PRKN: variants seen among roughly 807,000 people sequenced by gnomAD.
PRKN encodes parkin RBR E3 ubiquitin protein ligase, also known as E3 ubiquitin-protein ligase parkin.
A neutral mutation model predicts 59.5 loss-of-function variants in PRKN; 56 were observed. The ratio of observed to expected loss-of-function variants is 0.94; its 90% confidence interval spans 0.76 to 1.18. The LOEUF (loss-of-function observed/expected upper bound fraction) is 1.18, where lower values mean the gene tolerates loss of function less well. PRKN is among the 50% of genes most tolerant of loss of function. The pLI, the probability that PRKN is intolerant of heterozygous loss-of-function variation, is 0.00. For synonymous variants in PRKN, 250 were observed against 222.1 expected (o/e 1.13, Z -1.12); for missense variants, 657 against 596.4 (o/e 1.10, Z -1.06).
chr6:161,644,480 C>G (rs918760540), intron 7 of PRKN, among the ~76,000 whole-genome samples: 1 of 152,178 alleles, frequency 6.6e-6, no homozygotes, highest in Non-Finnish European at 1.5e-5. Context: ...GTGGTAGACA[C>G]GTGGATTTCG....
intron 1 of PRKN, among the ~76,000 whole-genome samples, chr6:162,633,246 C>A (rs913840895): frequency 6.6e-6 from 1 of 151,436 alleles, no homozygotes; most frequent in Middle Eastern, 3.4e-3. Context: ...CCAGCCTGGC[C>A]GACGTGGTGA....
chr6:161,756,366 T>C (rs1472403605), intron 7 of PRKN, among the ~76,000 whole-genome samples: 1 of 133,060 alleles, frequency 7.5e-6, no homozygotes, highest in African/African-American at 2.8e-5. Context: ...CGCTTGAACC[T>C]GGGAGGTGGA....
intron 3 of PRKN, among the ~76,000 whole-genome samples, chr6:162,261,807 G>A (rs781414523): frequency 6.6e-6 from 1 of 152,134 alleles, no homozygotes; most frequent in African/African-American, 2.4e-5. Flanking sequence ...CAAGATCATC[G>A]AAAATTTTTA....
At position 161,547,196 on chromosome 6, in the gene PRKN, T is replaced by C. The variant is rs1436549104; in HGVS notation, c.1083+1658A>G. On this transcript the variant is annotated intron_variant, in intron 9 of 11. Coordinates refer to ENST00000366898, the MANE Select transcript of PRKN (RefSeq NM_004562.3). This position sits in a 1 kb window ranked among gnomAD's most constrained non-coding sequence, Gnocchi z 4.0. ...CAAACACACCTCCAAAACCAACAAATCGAAACAAATTAAGATAAATTAAGA... is the reference window on the plus strand; with the variant it reads ...CAAACACACCTCCAAAACCAACAAACCGAAACAAATTAAGATAAATTAAGA... Among the ~76,000 whole-genome samples, 1 of 152,078 alleles carries C rather than the reference T, an allele frequency of 6.6e-6. No homozygotes were observed. The highest frequency in any genetic ancestry group is 1.5e-5 in the Non-Finnish European group (1 of 68,008).
intron 2 of PRKN, among the ~76,000 whole-genome samples, chr6:162,331,251 A>C (rs2128124851): frequency 6.6e-6 from 1 of 152,186 alleles, no homozygotes; most frequent in East Asian, 1.9e-4. Flanking sequence ...ATCGCTCCCA[A>C]CCAGGCCCCT....
intron 9 of PRKN, among the ~76,000 whole-genome samples, chr6:161,469,461 C>T (rs768599928): frequency 3.4e-5 from 5 of 148,438 alleles, no homozygotes; most frequent in South Asian, 2.1e-4. Context: ...TACATCGCAA[C>T]GGGAGTTTGC....
intron 4 of PRKN, among the ~76,000 whole-genome samples, chr6:162,070,674 C>G (rs763844034): frequency 6.6e-6 from 1 of 152,186 alleles, no homozygotes; most frequent in Non-Finnish European, 1.5e-5. Context: ...CAGGATAAAA[C>G]TGTTCCACCT....
intron 6 of PRKN, among the ~76,000 whole-genome samples, chr6:161,870,906 T>C (rs1794315475): frequency 6.6e-6 from 1 of 152,044 alleles, no homozygotes; most frequent in African/African-American, 2.4e-5. Context: ...AATAGTTCTT[T>C]TGCCTAAATG....
At chr6:162,156,581 C>A (rs2849587) in intron 4 of PRKN, among the ~76,000 whole-genome samples, 146,875 of 152,212 alleles carry the variant, frequency 0.96, 71,012 homozygotes, top group Non-Finnish European at 1. Context: ...AAGACTCAGC[C>A]AGCCTGCTCT....
chr6:162,503,761 T>C (rs372052130), intron 1 of PRKN, among the ~76,000 whole-genome samples: 10 of 152,210 alleles, frequency 6.6e-5, no homozygotes, highest in African/African-American at 2.2e-4. Context: ...ACTCGGAGGA[T>C]CCGAACAGCT....
intron 2 of PRKN, among the ~76,000 whole-genome samples, chr6:162,439,418 T>A (rs997921128): frequency 6.6e-6 from 1 of 151,758 alleles, no homozygotes; most frequent in Non-Finnish European, 1.5e-5. Flanking sequence ...TTTGTCTATA[T>A]ATGTTGACAT....
Position 161,393,371 on chromosome 6 carries a change from A to C in PRKN, c.1084-6494T>G, listed in dbSNP as rs1476902259. Among the ~76,000 whole-genome samples the C allele has an allele frequency of 6.6e-6, 1 of 152,150 alleles. No individual in the cohort carries two copies. The highest frequency in any genetic ancestry group is 1.5e-5 in the Non-Finnish European group (1 of 68,034). ...GAAATGCCACACTTGTAAACTACTC[A>C]TAAGACATAAGACTGCTGTCTAGAA... On this transcript the variant is annotated intron_variant, in intron 9 of 11. Transcript: ENST00000366898. This position sits in a 1 kb window ranked among gnomAD's most constrained non-coding sequence, Gnocchi z 4.7.
intron 9 of PRKN, among the ~76,000 whole-genome samples, chr6:161,521,033 G>T (rs1016502179): frequency 3.3e-5 from 5 of 152,178 alleles, no homozygotes; most frequent in Non-Finnish European, 7.3e-5. Flanking sequence ...CTCTTCTCCC[G>T]TATGTGAAGA....
intron 2 of PRKN, among the ~76,000 whole-genome samples, chr6:162,379,683 G>C (rs1214714683): frequency 6.6e-6 from 1 of 152,154 alleles, no homozygotes; most frequent in Non-Finnish European, 1.5e-5. Context: ...TGTGGACAGA[G>C]CTAGGCAGGT....
intron 2 of PRKN, among the ~76,000 whole-genome samples, chr6:162,312,534 T>C (rs140319481): frequency 4.8e-4 from 73 of 152,290 alleles, no homozygotes; most frequent in African/African-American, 1.6e-3. Context: ...ATACAACACC[T>C]GTGTCTGCCA....
At chr6:162,462,769 A>T (rs1348087116) in intron 1 of PRKN, among the ~76,000 whole-genome samples, 2 of 152,174 alleles carry the variant, frequency 1.3e-5, no homozygotes, top group East Asian at 3.8e-4. Flanking sequence ...TTAGGAGTTG[A>T]ATGAAAACCT....
intron 3 of PRKN, among the ~76,000 whole-genome samples, chr6:162,238,720 T>C (rs936764705): frequency 1.3e-5 from 2 of 152,176 alleles, no homozygotes; most frequent in African/African-American, 4.8e-5. Flanking sequence ...TCTGTTGTTT[T>C]TCTGGTTTAG....
At chr6:161,350,325 G>A in intron 11 of PRKN, 114 bp from the exon 12 acceptor site, 1 of 727,544 alleles carries the variant, frequency 1.4e-6, no homozygotes, top group East Asian at 2.7e-5. Context: ...ATAATCACAA[G>A]CAATACAAGG....
Position 161,812,117 on chromosome 6 carries a change from T to C in PRKN, c.735-26209A>G, listed in dbSNP as rs113379474. 2.0e-3 allele frequency among the ~76,000 whole-genome samples: 305 copies of C among 152,178 alleles called. 8 individuals carry two copies. In the South Asian group the frequency reaches 0.041, roughly 20 times the overall value. Reference sequence around the variant, plus strand: ...AAAATGTTGTTGAAGCCAGGCATGGTAGTTCACACCTACAATCCCAGTGCT... The same window carrying C: ...AAAATGTTGTTGAAGCCAGGCATGGCAGTTCACACCTACAATCCCAGTGCT... On this transcript the variant is annotated intron_variant, in intron 6 of 11. Transcript: ENST00000366898.
Sources: gnomAD v4.1 joint callset for allele counts (sites outside exome capture counted in the v4.1 genomes callset) on GRCh38, gnomAD v4.1.1 for gene constraint, Gnocchi (gnomAD v3.1) non-coding constraint, MANE v1.5 for transcripts, NCBI Gene and HGNC (gene_info 2026-07-23, HGNC 2026-07-21) for gene names.